Variants in PGR observed in about 807,000 individuals in gnomAD.
The protein encoded by PGR is progesterone receptor, also known as nuclear receptor subfamily 3 group C member 3.
PGR carries 25 observed loss-of-function variants against 76.1 expected under a neutral mutation model. The ratio of observed to expected loss-of-function variants is 0.33; its 90% CI spans 0.24 to 0.46. The LOEUF is 0.46. PGR is among the 20% of genes least tolerant of loss of function. PGR has a pLI of 1.00. For missense variants in PGR, 1,172 were observed against 1,225.3 expected (o/e 0.96, Z 0.65); for synonymous variants, 579 against 535.0 (o/e 1.08, Z -1.14).
chr11:101,076,501 T>C (rs1388621430), intron 3 of PGR, among the ~76,000 whole-genome samples: 1 of 151,866 alleles, frequency 6.6e-6, no homozygotes, highest in Admixed American at 6.6e-5. Context: ...AATTAAAAAA[T>C]TGAAAACATT....
At chr11:101,088,603 A>T (rs2135452079) in intron 3 of PGR, among the ~76,000 whole-genome samples, 1 of 152,302 alleles carries the variant, frequency 6.6e-6, no homozygotes, top group Admixed American at 6.5e-5. Flanking sequence ...AAGTGCTGGG[A>T]TTACAGGCAT....
Position 101,042,035 on chromosome 11 carries a change from G to A in PGR, c.2556C>T (p.Leu852=). The A allele has an allele frequency of 6.2e-7, 1 of 1,613,554 alleles. No homozygotes were observed. Among genetic ancestry groups the A allele is most frequent in the Non-Finnish European group, 8.5e-7 (1 of 1,179,664 alleles). ...TTTGCCTCAAACCAATTGCCTTGAT[G>A]AGCTCTCTAATGTAGCTTGACCTCA... ...EEMRSSYIRE[L]IKAIGLRQKG... The change falls in exon 7 of 8, where the codon CTC becomes CTT. Residue 852 remains leucine, a synonymous_variant. Coordinates refer to ENST00000325455, the MANE Select transcript of PGR (RefSeq NM_000926.4).
intron 1 of PGR, among the ~76,000 whole-genome samples, chr11:101,126,404 T>C (rs1248830919): frequency 2.0e-5 from 3 of 152,208 alleles, no homozygotes; most frequent in African/African-American, 7.2e-5. Context: ...GTGTATAATA[T>C]TATGTCCTAG....
intron 2 of PGR, among the ~76,000 whole-genome samples, chr11:101,124,534 T>C (rs2135507982): frequency 6.6e-6 from 1 of 152,248 alleles, no homozygotes; most frequent in Admixed American, 6.5e-5. Flanking sequence ...GGAGCTGGGG[T>C]AGGACAAATT....
chr11:101,104,698 C>G (rs1294310215), intron 2 of PGR, among the ~76,000 whole-genome samples: 3 of 152,154 alleles, frequency 2.0e-5, no homozygotes, highest in South Asian at 4.1e-4. Flanking sequence ...TTTATTTAAT[C>G]TGGTTGTTTC....
chr11:101,111,303 G>A (rs1285862770), intron 2 of PGR, among the ~76,000 whole-genome samples: 3 of 152,090 alleles, frequency 2.0e-5, no homozygotes, highest in Non-Finnish European at 4.4e-5. Flanking sequence ...CAGCCTGCCT[G>A]CCTTCTATAT....
intron 2 of PGR, among the ~76,000 whole-genome samples, chr11:101,121,633 C>T (rs1033018295): frequency 3.9e-5 from 6 of 152,122 alleles, no homozygotes; most frequent in Admixed American, 3.9e-4. Flanking sequence ...TCTAGTTGTC[C>T]AAACATTGCA....
At chr11:101,045,876 G>A (rs557672796) in intron 6 of PGR, among the ~76,000 whole-genome samples, 1 of 152,090 alleles carries the variant, frequency 6.6e-6, no homozygotes, top group South Asian at 2.1e-4. Context: ...GGGATTGCTA[G>A]ATAGAATGGT....
At position 101,128,916 on chromosome 11, in the gene PGR, G is replaced by C. The variant is rs1402461722; in HGVS notation, c.155C>G (p.Pro52Arg). 1 of 1,613,552 alleles carries C rather than the reference G, an allele frequency of 6.2e-7. No homozygotes were observed. The highest frequency in any genetic ancestry group is 1.1e-5 in the South Asian group (1 of 91,076). Residue 52 changes from proline (P) to arginine (R), a missense_variant, in exon 1 of 8, where the codon CCT becomes CGT. Pro to Arg is a moderately radical substitution (Grantham distance 103, BLOSUM62 -2). Transcript: ENST00000325455. ...SDTLPEVSAI[P>R]ISLDGLLFPR... Reference sequence around the variant, plus strand: ...GAAGAGTAGCCCGTCCAGGGAGATAGGTATGGCCGAAACTTCAGGCAAGGT... The same window carrying C: ...GAAGAGTAGCCCGTCCAGGGAGATACGTATGGCCGAAACTTCAGGCAAGGT...
At chr11:101,091,206 T>C (rs1861664701) in intron 3 of PGR, among the ~76,000 whole-genome samples, 1 of 152,184 alleles carries the variant, frequency 6.6e-6, no homozygotes, top group Non-Finnish European at 1.5e-5. Context: ...GCTATATTAC[T>C]GAAAGTTTTA....
chr11:101,050,203 C>A, intron 5 of PGR, 144 bp from the exon 6 acceptor site: 1 of 809,342 alleles, frequency 1.2e-6, no homozygotes, highest in Non-Finnish European at 2.0e-6. Context: ...AATAAACAAA[C>A]CCAATATTTG....
intron 2 of PGR, among the ~76,000 whole-genome samples, chr11:101,112,404 G>A (rs938823419): frequency 2.0e-5 from 3 of 152,188 alleles, no homozygotes; most frequent in African/African-American, 7.2e-5. Context: ...GTCAGCAGGA[G>A]TAATCTGGAT....
chr11:101,105,332 G>T (rs977900307), intron 2 of PGR, among the ~76,000 whole-genome samples: 1 of 152,112 alleles, frequency 6.6e-6, no homozygotes. Context: ...GGAAGGTAAG[G>T]ATAGAAATGA....
chr11:101,083,942 T>A (rs1435583729), intron 3 of PGR, among the ~76,000 whole-genome samples: 1 of 152,082 alleles, frequency 6.6e-6, no homozygotes, highest in East Asian at 1.9e-4. Context: ...GAGAAGGACA[T>A]AAGCTTTGGG....
At chr11:101,114,719 C>G (rs1284030040) in intron 2 of PGR, among the ~76,000 whole-genome samples, 1 of 152,054 alleles carries the variant, frequency 6.6e-6, no homozygotes, top group Non-Finnish European at 1.5e-5. Context: ...CTTTCATCAC[C>G]CTTCTCAATT....
At chr11:101,052,438 G>A (rs1408819196) in intron 4 of PGR, among the ~76,000 whole-genome samples, 2 of 151,938 alleles carry the variant, frequency 1.3e-5, no homozygotes, top group Non-Finnish European at 2.9e-5. Context: ...ATCATCACAA[G>A]TCTCTCCATG....
intron 6 of PGR, among the ~76,000 whole-genome samples, chr11:101,042,467 G>T (rs936281256): frequency 1.3e-5 from 2 of 152,006 alleles, no homozygotes; most frequent in African/African-American, 4.8e-5. Flanking sequence ...ATGTAATCTG[G>T]ATCTTTTTTT....
chr11:101,070,830 T>C (rs1316871099), intron 3 of PGR, among the ~76,000 whole-genome samples: 1 of 152,180 alleles, frequency 6.6e-6, no homozygotes, highest in East Asian at 1.9e-4. Flanking sequence ...AGTCAGGGGC[T>C]TATACATAAA....
chr11:101,052,298 T>C (rs1382507700), intron 4 of PGR, among the ~76,000 whole-genome samples: 3 of 148,960 alleles, frequency 2.0e-5, no homozygotes, highest in Non-Finnish European at 4.5e-5. Flanking sequence ...TGTGTGTGTG[T>C]GTGTGTGTGT....
Sources: gnomAD v4.1 joint callset for allele counts (sites outside exome capture counted in the v4.1 genomes callset) on GRCh38, gnomAD v4.1.1 for gene constraint, MANE v1.5 for transcripts, NCBI Gene and HGNC (gene_info 2026-07-23, HGNC 2026-07-21) for gene names.